ZDHHC9: variants seen among roughly 807,000 people sequenced by gnomAD.
The protein encoded by ZDHHC9 is palmitoyltransferase ZDHHC9.
In ZDHHC9, 3 loss-of-function variants were observed where a neutral mutation model predicts 26.6. The ratio of observed to expected loss-of-function variants is 0.11; its 90% CI spans 0.05 to 0.29. The LOEUF is 0.29. Ranked by LOEUF, ZDHHC9 falls within the 10% of genes least tolerant of loss-of-function variation. ZDHHC9 has a pLI of 1.00. For synonymous variants in ZDHHC9, 111 were observed against 109.4 expected, an observed-to-expected ratio of 1.01 and a Z score of -0.09; for missense variants, 146 against 296.4, an observed-to-expected ratio of 0.49 and a Z score of 3.73.
chrX:129,837,635 G>A (rs753929435), intron 3 of ZDHHC9, among the ~76,000 whole-genome samples: 3 of 112,079 alleles, frequency 2.7e-5, no homozygotes, highest in Middle Eastern at 4.6e-3. Flanking sequence ...ACAGAACCTG[G>A]TCTGACAGTG....
intron 5 of ZDHHC9, among the ~76,000 whole-genome samples, chrX:129,821,669 A>G (rs1022335944): frequency 3.7e-5 from 4 of 108,544 alleles, no homozygotes; most frequent in African/African-American, 1.3e-4. Flanking sequence ...CATGCCTGTA[A>G]TCTCAGCACT....
At chrX:129,823,109 T>C in intron 5 of ZDHHC9, 1 of 117,068 alleles carries the variant, frequency 8.5e-6, no homozygotes, top group South Asian at 3.3e-4. Flanking sequence ...TGCTCTAGCT[T>C]AATCTCATAC....
intron 3 of ZDHHC9, among the ~76,000 whole-genome samples, chrX:129,839,611 AAGG>A (rs200617182): frequency 0.067 from 7,487 of 111,151 alleles, 280 homozygotes; most frequent in Non-Finnish European, 0.11. Flanking sequence ...GGCCGACCAG[AAGG>A]AGATTTCATT....
At chrX:129,840,689 C>G (rs1928360500) in intron 3 of ZDHHC9, among the ~76,000 whole-genome samples, 1 of 111,189 alleles carries the variant, frequency 9.0e-6, no homozygotes, top group Non-Finnish European at 1.9e-5. Flanking sequence ...TCTCCCTCCC[C>G]CTGCTGTTAC....
In ZDHHC9 at chrX:129,837,495, G is replaced by A. The variant is rs1928287435; in HGVS notation, c.167+4284C>T. 4.4e-5 allele frequency among the ~76,000 whole-genome samples: 5 copies of A among 112,574 alleles called. No homozygotes were observed. In the South Asian group the frequency reaches 1.8e-3, roughly 41 times the overall value. On this transcript the variant is annotated intron_variant, in intron 3 of 10. Transcript: ENST00000357166. ...TGAAAGAGGGGTAGAATTTGGATAG[G>A]CTAGAAAAGTATTGTTTGTATTGAT...
At chrX:129,808,094 C>A (rs1169625114) in intron 10 of ZDHHC9, among the ~76,000 whole-genome samples, 1 of 111,889 alleles carries the variant, frequency 8.9e-6, no homozygotes, top group African/African-American at 3.2e-5. Context: ...AAAATACAGT[C>A]CATGTAAATG....
In ZDHHC9 at chrX:129,823,675, T is replaced by A; in HGVS notation, c.487+4A>T. 3 of 1,212,318 alleles carry A rather than the reference T, an allele frequency of 2.5e-6. No homozygotes were observed. The highest frequency in any genetic ancestry group is 3.3e-6 in the Non-Finnish European group (3 of 895,546). On this transcript the variant is annotated splice_donor_region_variant and intron_variant, in intron 5 of 10. Transcript: ENST00000357166. ...CTAGGCAATGTCCCTGTAGTTTTAC[T>A]CACCCACACAGTTGTCACAGATGCT...
At position 129,806,390 on chromosome X, in the gene ZDHHC9, C is replaced by A; in HGVS notation, c.1075G>T (p.Ala359Ser). ...ATAGGCTACTTCTCAGCTTCAGCTG[C>A]CTCCTGTGGTGGCTCTGGGGGCTCT... ...PPEPPEPPQE[A>S]AEAEK The change falls in exon 11 of 11, where the codon GCA becomes TCA. Residue 359 changes from alanine to serine, a missense_variant. By Grantham distance (99) the Ala-to-Ser change is moderately conservative. Coordinates refer to ENST00000357166, the MANE Select transcript of ZDHHC9 (RefSeq NM_016032.4). The A allele has an allele frequency of 8.3e-7, 1 of 1,211,418 alleles. No homozygotes were observed. The highest frequency in any genetic ancestry group is 1.1e-6 in the Non-Finnish European group (1 of 895,035).
At chrX:129,842,272 G>A (rs1457104476) in intron 2 of ZDHHC9, among the ~76,000 whole-genome samples, 192 bp from the exon 3 acceptor site, 1 of 111,999 alleles carries the variant, frequency 8.9e-6, no homozygotes, top group Non-Finnish European at 1.9e-5. Flanking sequence ...AAAGGAAAGG[G>A]GCTAGTATTT....
chrX:129,837,120 T>TA (rs1377954913), intron 3 of ZDHHC9, among the ~76,000 whole-genome samples: 1 of 111,961 alleles, frequency 8.9e-6, no homozygotes, highest in African/African-American at 3.2e-5. Flanking sequence ...AGGAGGGAGA[T>TA]AGTCTCCAAA....
At chrX:129,829,385 C>T (rs1747361952) in intron 3 of ZDHHC9, among the ~76,000 whole-genome samples, 1 of 111,565 alleles carries the variant, frequency 9.0e-6, no homozygotes, top group African/African-American at 3.2e-5. Flanking sequence ...CACTCTCTTA[C>T]CCCCAAGTCC....
intron 3 of ZDHHC9, among the ~76,000 whole-genome samples, chrX:129,829,416 T>C (rs1179501790): frequency 9.0e-6 from 1 of 111,671 alleles, no homozygotes; most frequent in Non-Finnish European, 1.9e-5. Flanking sequence ...ATCAACCCAC[T>C]GGGAGCTACA....
At chrX:129,807,392 G>T (rs1431988244) in intron 10 of ZDHHC9, among the ~76,000 whole-genome samples, 1 of 105,139 alleles carries the variant, frequency 9.5e-6, no homozygotes, top group Admixed American at 1.0e-4. Flanking sequence ...CTTGCAGTGA[G>T]CCGAGATTGC....
chrX:129,815,626 A>G (rs1014027492), intron 5 of ZDHHC9, among the ~76,000 whole-genome samples: 2 of 111,845 alleles, frequency 1.8e-5, no homozygotes, highest in African/African-American at 6.5e-5. Context: ...ATTATTACAC[A>G]TTGCATGCCT....
intron 3 of ZDHHC9, 46 bp from the exon 4 acceptor site, chrX:129,829,187 T>C (rs752593345): frequency 8.5e-7 from 1 of 1,180,682 alleles, no homozygotes; most frequent in Non-Finnish European, 1.2e-6. Context: ...CTACCCTATA[T>C]TGATCTCCAA....
At chrX:129,809,333 A>AC (rs1927584133) in intron 10 of ZDHHC9, among the ~76,000 whole-genome samples, 2 of 112,606 alleles carry the variant, frequency 1.8e-5, no homozygotes, top group East Asian at 2.8e-4. Flanking sequence ...TCAACTGATG[A>AC]ATGGATAAAT....
At position 129,814,509 on chromosome X, in the gene ZDHHC9, C is replaced by G. The variant is rs759454177; in HGVS notation, c.625+149G>C. On this transcript the variant is annotated intron_variant, in intron 6 of 10. Transcript: ENST00000357166. ...GTGCACTGAGGTTTGCAACCCTGCT[C>G]AAGAGCAGATAACTGTGCTCATTTC... 6 of 835,504 alleles carry G rather than the reference C, an allele frequency of 7.2e-6. No homozygotes were observed. In the East Asian group the frequency reaches 2.0e-4, roughly 27 times the overall value. The allele number at this position is 835,504 out of a possible 1,213,427, so 68.9% of individuals were successfully genotyped here.
Position 129,814,735 on chromosome X carries a change from T to C in ZDHHC9, c.548A>G (p.Tyr183Cys), listed in dbSNP as rs1798931326. The change falls in exon 6 of 11, where the codon TAC (tyrosine) becomes TGC (cysteine). Residue 183 changes from tyrosine to cysteine, a missense_variant. Coordinates refer to ENST00000357166, the MANE Select transcript of ZDHHC9 (RefSeq NM_016032.4). ...GNCVGKRNYR[Y>C]FYLFILSLSL... Reference sequence around the variant, plus strand: ...GAGAGAAAGGATGAAGAGGTAGAAGTAGCGGTAGTTCCTCTTTCCAACACA... The same window carrying C: ...GAGAGAAAGGATGAAGAGGTAGAAGCAGCGGTAGTTCCTCTTTCCAACACA... 8.3e-7 allele frequency: 1 copy of C among 1,208,193 alleles called. No homozygotes were observed. Among genetic ancestry groups the C allele is most frequent in the South Asian group, 1.8e-5 (1 of 56,762 alleles).
intron 10 of ZDHHC9, among the ~76,000 whole-genome samples, chrX:129,807,313 G>A (rs1927541195): frequency 1.8e-5 from 2 of 108,765 alleles, no homozygotes; most frequent in African/African-American, 6.7e-5. Context: ...GGGCGCGGTG[G>A]CGGGCGCCTG....
Sources: allele counts gnomAD v4.1 joint callset (sites outside exome capture counted in the v4.1 genomes callset), GRCh38; gene constraint gnomAD v4.1.1; transcripts MANE v1.5; gene names NCBI Gene and HGNC (gene_info 2026-07-23, HGNC 2026-07-21).